Variants in SOX5 observed in about 807,000 individuals in gnomAD.
SOX5 encodes the protein SRY-box transcription factor 5, also known as transcription factor SOX-5.
In SOX5, 9 loss-of-function variants were observed where a neutral mutation model predicts 92.0. That is an observed-to-expected ratio of 0.10 (90% CI 0.06 to 0.17). SOX5 has a LOEUF of 0.17. Ranked by LOEUF, SOX5 falls within the 10% of genes least tolerant of loss-of-function variation. The pLI is 1.00. For synonymous variants in SOX5, 344 were observed against 336.3 expected (o/e 1.02, Z -0.25); for missense variants, 642 against 944.5 (o/e 0.68, Z 4.20).
intron 1 of SOX5, among the ~76,000 whole-genome samples, chr12:23,915,824 C>T (rs1427875459): frequency 1.3e-5 from 2 of 152,136 alleles, no homozygotes; most frequent in Admixed American, 1.3e-4. Flanking sequence ...AACTGCTATT[C>T]ACATAAACAG....
intron 4 of SOX5, among the ~76,000 whole-genome samples, chr12:24,062,452 C>T (rs1371180743): frequency 1.3e-5 from 2 of 152,136 alleles, no homozygotes; most frequent in African/African-American, 4.8e-5. Flanking sequence ...ATATCAGTAG[C>T]TCTAAATGTT....
intron 4 of SOX5, among the ~76,000 whole-genome samples, chr12:24,071,286 C>T (rs1337340849): frequency 1.3e-5 from 2 of 152,108 alleles, no homozygotes; most frequent in Admixed American, 1.3e-4. Flanking sequence ...AGGTACTGGG[C>T]AAAATGCTTA....
At chr12:23,554,997 C>T (rs970121210) in intron 11 of SOX5, among the ~76,000 whole-genome samples, 20 of 152,044 alleles carry the variant, frequency 1.3e-4, no homozygotes, top group Non-Finnish European at 2.9e-5. Flanking sequence ...CTTTGATAGG[C>T]TAGGCTTTTA....
chr12:24,484,327 G>A (rs1328580950), intron 1 of SOX5, among the ~76,000 whole-genome samples: 1 of 152,100 alleles, frequency 6.6e-6, no homozygotes, highest in African/African-American at 2.4e-5. Context: ...TAAACTTCTT[G>A]AGGGCAAGGA....
At chr12:24,559,947 G>A (rs756894333) in intron 1 of SOX5, among the ~76,000 whole-genome samples, 4 of 152,120 alleles carry the variant, frequency 2.6e-5, no homozygotes, top group Non-Finnish European at 5.9e-5. Flanking sequence ...TATACAACAT[G>A]CCATTCAACC....
At chr12:24,355,280 A>G (rs983650209) in intron 2 of SOX5, among the ~76,000 whole-genome samples, 2 of 84,034 alleles carry the variant, frequency 2.4e-5, no homozygotes, top group Admixed American at 1.2e-4. Flanking sequence ...TGAGGGGTGC[A>G]TCTTTTTTTT....
rs376572363 is a variant in SOX5, at chr12:23,696,290, T to C, written c.811-30726A>G. On this transcript the variant is annotated intron_variant, in intron 6 of 14. Coordinates refer to ENST00000451604, the MANE Select transcript of SOX5 (RefSeq NM_006940.6). Reference sequence around the variant, plus strand: ...TGTGGGATGATTTTTAACTGAAAATTGTATTTCTTTAGTAGTGTAGAGGTA... The same window carrying C: ...TGTGGGATGATTTTTAACTGAAAATCGTATTTCTTTAGTAGTGTAGAGGTA... 8.9e-4 allele frequency among the ~76,000 whole-genome samples: 136 copies of C among 152,240 alleles called. 1 individual carries two copies. The highest frequency in any genetic ancestry group is 3.0e-3 in the African/African-American group (124 of 41,548).
At chr12:24,127,514 C>A (rs1052762431) in intron 4 of SOX5, among the ~76,000 whole-genome samples, 3 of 152,094 alleles carry the variant, frequency 2.0e-5, no homozygotes, top group Non-Finnish European at 4.4e-5. Flanking sequence ...TATATTCCTA[C>A]ATTTATCTCT....
chr12:24,035,298 A>C (rs1017578471), intron 4 of SOX5, among the ~76,000 whole-genome samples: 21 of 152,116 alleles, frequency 1.4e-4, no homozygotes, highest in South Asian at 2.1e-4. Flanking sequence ...AACCAATGAT[A>C]ACAACCACAG....
intron 3 of SOX5, among the ~76,000 whole-genome samples, chr12:23,804,344 A>G (rs1055602168): frequency 6.6e-6 from 1 of 152,164 alleles, no homozygotes; most frequent in Admixed American, 6.5e-5. Context: ...CTATAACAGC[A>G]TATCCACTGT....
intron 4 of SOX5, among the ~76,000 whole-genome samples, chr12:24,036,036 T>C (rs1170911683): frequency 6.6e-6 from 1 of 152,070 alleles, no homozygotes; most frequent in African/African-American, 2.4e-5. Flanking sequence ...GGGAAAATTA[T>C]ACAACACACG....
intron 1 of SOX5, among the ~76,000 whole-genome samples, chr12:24,467,371 A>G (rs1944338881): frequency 6.6e-6 from 1 of 152,234 alleles, no homozygotes; most frequent in Non-Finnish European, 1.5e-5. Context: ...GCACGTTACA[A>G]TGGAGCTACA....
intron 3 of SOX5, among the ~76,000 whole-genome samples, chr12:23,794,521 G>T (rs1784411222): frequency 6.6e-6 from 1 of 151,984 alleles, no homozygotes; most frequent in African/African-American, 2.4e-5. Context: ...CCTCCAGCAG[G>T]GTTAGAGGTA....
intron 9 of SOX5, among the ~76,000 whole-genome samples, chr12:23,589,607 A>G (rs73273870): frequency 0.057 from 8,615 of 152,038 alleles, 769 homozygotes; most frequent in African/African-American, 0.2. Context: ...AGTAAGGCAT[A>G]GTTCACTATA....
At chr12:24,501,389 A>T (rs1396770701) in intron 1 of SOX5, among the ~76,000 whole-genome samples, 2 of 152,142 alleles carry the variant, frequency 1.3e-5, no homozygotes, top group African/African-American at 4.8e-5. Flanking sequence ...AAAAAAAAAA[A>T]AAATATGTAC....
chr12:24,429,650 A>ACAC (rs998939759), intron 1 of SOX5, among the ~76,000 whole-genome samples: 16 of 151,524 alleles, frequency 1.1e-4, no homozygotes, highest in East Asian at 9.7e-4. Flanking sequence ...ACACACACAC[A>ACAC]CCCCATGAGC....
chr12:24,019,106 A>G (rs1306834767), intron 4 of SOX5, among the ~76,000 whole-genome samples: 9 of 152,140 alleles, frequency 5.9e-5, no homozygotes, highest in Non-Finnish European at 1.3e-4. Flanking sequence ...CTGGTAGCTG[A>G]GACTACAGCT....
intron 2 of SOX5, among the ~76,000 whole-genome samples, chr12:23,885,790 A>C (rs2097057674): frequency 6.6e-6 from 1 of 152,100 alleles, no homozygotes; most frequent in South Asian, 2.1e-4. Flanking sequence ...TTTATTTCCC[A>C]TTTCAAACAC....
At chr12:24,224,950 T>C (rs937219886) in intron 3 of SOX5, among the ~76,000 whole-genome samples, 2 of 152,200 alleles carry the variant, frequency 1.3e-5, no homozygotes, top group African/African-American at 4.8e-5. Flanking sequence ...TTACACAGCA[T>C]TCTCCCATCT....
Sources: gnomAD v4.1 joint callset for allele counts (sites outside exome capture counted in the v4.1 genomes callset) on GRCh38, gnomAD v4.1.1 for gene constraint, MANE v1.5 for transcripts, NCBI Gene and HGNC (gene_info 2026-07-23, HGNC 2026-07-21) for gene names.